CNTN3: variants seen among roughly 807,000 people sequenced by gnomAD.
CNTN3 encodes the protein contactin-3.
A neutral mutation model predicts 119.1 loss-of-function variants in CNTN3; 60 were observed. The ratio of observed to expected loss-of-function variants is 0.50; its 90% CI spans 0.41 to 0.62. The LOEUF is 0.62. CNTN3 is among the 20% of genes least tolerant of loss of function. CNTN3 has a pLI of 0.00. For synonymous variants in CNTN3, 450 were observed against 438.7 expected (o/e 1.03, Z -0.32); for missense variants, 1,101 against 1,242.4 (o/e 0.89, Z 1.71).
chr3:74,454,505 ATTTACT>A (rs1702228399), intron 4 of CNTN3, among the ~76,000 whole-genome samples: 1 of 151,986 alleles, frequency 6.6e-6, no homozygotes, highest in African/African-American at 2.4e-5. Flanking sequence ...AATTTAGTCC[ATTTACT>A]TTTAAAGTTA....
intron 1 of CNTN3, among the ~76,000 whole-genome samples, chr3:74,551,024 C>T (rs558828108): frequency 6.6e-6 from 1 of 152,300 alleles, no homozygotes; most frequent in African/African-American, 2.4e-5. Flanking sequence ...TTTAGGAAAC[C>T]AACATGCCAC....
At chr3:74,312,455 C>CAAAAA (rs745514119) in intron 13 of CNTN3, among the ~76,000 whole-genome samples, 909 of 27,802 alleles carry the variant, frequency 0.033, 172 homozygotes, top group African/African-American at 0.093. Context: ...GACTCCATCT[C>CAAAAA]AAAAAAAAAA....
chr3:74,366,050 A>G (rs150766734), intron 8 of CNTN3, among the ~76,000 whole-genome samples: 3 of 152,248 alleles, frequency 2.0e-5, no homozygotes, highest in African/African-American at 7.2e-5. Context: ...TTCCAAGTGT[A>G]TTTTTGAATC....
intron 4 of CNTN3, among the ~76,000 whole-genome samples, chr3:74,472,811 T>C (rs780806234): frequency 2.0e-5 from 3 of 152,232 alleles, no homozygotes; most frequent in Non-Finnish European, 4.4e-5. Flanking sequence ...AAGTCACTTC[T>C]GTTCAAAGAT....
At chr3:74,267,739 G>C (rs537269692) in intron 20 of CNTN3, among the ~76,000 whole-genome samples, 51 of 152,012 alleles carry the variant, frequency 3.4e-4, no homozygotes, top group South Asian at 2.1e-4. Flanking sequence ...ACTGTGTCTC[G>C]TTGAAAACAC....
intron 4 of CNTN3, among the ~76,000 whole-genome samples, chr3:74,449,217 T>G (rs1362872218): frequency 6.6e-6 from 1 of 151,948 alleles, no homozygotes; most frequent in Non-Finnish European, 1.5e-5. Context: ...CTGGGGCCAT[T>G]TCATTGCCAA....
intron 20 of CNTN3, among the ~76,000 whole-genome samples, chr3:74,279,654 G>A: frequency 6.9e-6 from 1 of 145,444 alleles, no homozygotes. Flanking sequence ...GTTGGGAGGG[G>A]GGCAAGGGAC....
intron 19 of CNTN3, among the ~76,000 whole-genome samples, chr3:74,289,408 C>G (rs1455739519): frequency 6.6e-6 from 1 of 152,148 alleles, no homozygotes; most frequent in Non-Finnish European, 1.5e-5. Flanking sequence ...TAATTAATTT[C>G]AAGAAAGTCC....
chr3:74,418,547 G>A (rs1387955419), intron 5 of CNTN3, among the ~76,000 whole-genome samples: 4 of 151,134 alleles, frequency 2.6e-5, no homozygotes, highest in South Asian at 2.1e-4. Flanking sequence ...CACCTTGCTG[G>A]CCAGGCTGGT....
intron 2 of CNTN3, among the ~76,000 whole-genome samples, chr3:74,509,645 G>C (rs1703329499): frequency 6.6e-6 from 1 of 152,072 alleles, no homozygotes; most frequent in Admixed American, 6.6e-5. Flanking sequence ...TTATAAATAA[G>C]TAACCCACAG....
intron 13 of CNTN3, among the ~76,000 whole-genome samples, chr3:74,303,256 T>G (rs1038277170): frequency 7.9e-5 from 12 of 152,252 alleles, no homozygotes; most frequent in Admixed American, 4.6e-4. Context: ...ACAAGCGGAT[T>G]ACCATGGTTG....
At chr3:74,587,779 C>T (rs2106679684) in intron 1 of CNTN3, among the ~76,000 whole-genome samples, 1 of 152,148 alleles carries the variant, frequency 6.6e-6, no homozygotes, top group African/African-American at 2.4e-5. Flanking sequence ...AATTGAATAC[C>T]CCTTATTTCC....
chr3:74,361,117 T>G (rs1704063564), intron 11 of CNTN3, among the ~76,000 whole-genome samples: 1 of 151,944 alleles, frequency 6.6e-6, no homozygotes, highest in Admixed American at 6.6e-5. Flanking sequence ...CTCAATAAAC[T>G]GTAATAATAA....
chr3:74,566,865 C>G lies in CNTN3; in HGVS notation c.-80-45673G>C, dbSNP rs186747901. On this transcript the variant is annotated intron_variant, in intron 1 of 22. Transcript: ENST00000263665. Reference sequence around the variant, plus strand: ...GTGGCATTCCATACAGGAATGCAGACAAGTTATGGCAATCCTACATGAAAG... The same window carrying G: ...GTGGCATTCCATACAGGAATGCAGAGAAGTTATGGCAATCCTACATGAAAG... 8.3e-4 allele frequency among the ~76,000 whole-genome samples: 127 copies of G among 152,252 alleles called. No individual in the cohort carries two copies. In the East Asian group the frequency reaches 0.023, roughly 28 times the overall value.
At chr3:74,430,221 C>T (rs1055265494) in intron 4 of CNTN3, among the ~76,000 whole-genome samples, 3 of 152,020 alleles carry the variant, frequency 2.0e-5, no homozygotes, top group Non-Finnish European at 4.4e-5. Flanking sequence ...GTCTAACAGC[C>T]CTAAACTGGA....
At chr3:74,267,752 C>T (rs1701691944) in intron 20 of CNTN3, among the ~76,000 whole-genome samples, 1 of 151,926 alleles carries the variant, frequency 6.6e-6, no homozygotes, top group Admixed American at 6.6e-5. Flanking sequence ...GAAAACACGT[C>T]GATGGGGGGG....
intron 4 of CNTN3, among the ~76,000 whole-genome samples, chr3:74,475,594 G>A (rs1702639540): frequency 6.6e-6 from 1 of 152,172 alleles, no homozygotes; most frequent in African/African-American, 2.4e-5. Context: ...ATTGAAGTTG[G>A]TGTAATATAG....
intron 11 of CNTN3, among the ~76,000 whole-genome samples, chr3:74,355,187 G>C (rs1298956433): frequency 6.6e-6 from 1 of 152,018 alleles, no homozygotes; most frequent in Non-Finnish European, 1.5e-5. Context: ...CACTCTGAAT[G>C]GGTCTGCCAT....
chr3:74,605,447 T>C (rs771156500), intron 1 of CNTN3, among the ~76,000 whole-genome samples: 1 of 152,112 alleles, frequency 6.6e-6, no homozygotes, highest in Non-Finnish European at 1.5e-5. Context: ...TTTAAAAAGT[T>C]TGTGTGTGTT....
Sources: gnomAD v4.1 joint callset for allele counts (sites outside exome capture counted in the v4.1 genomes callset) on GRCh38, gnomAD v4.1.1 for gene constraint, MANE v1.5 for transcripts, NCBI Gene and HGNC (gene_info 2026-07-23, HGNC 2026-07-21) for gene names.